The following ASIC2 variants were observed in gnomAD, a reference collection of about 807,000 sequenced individuals.
ASIC2 encodes the protein acid-sensing ion channel 2.
In ASIC2, 25 loss-of-function variants were observed where a neutral mutation model predicts 57.3. That is an observed-to-expected ratio of 0.44 (90% confidence interval 0.32 to 0.61). ASIC2 has a LOEUF of 0.61. Among genes scored for constraint, ASIC2 ranks in the 20% least tolerant of loss-of-function variants. ASIC2 has a pLI of 0.06. For synonymous variants in ASIC2, 319 were observed against 307.5 expected (o/e 1.04, Z -0.39); for missense variants, 641 against 738.1 (o/e 0.87, Z 1.52).
intron 1 of ASIC2, among the ~76,000 whole-genome samples, chr17:34,120,555 T>C (rs536235374): frequency 6.6e-6 from 1 of 151,730 alleles, no homozygotes; most frequent in South Asian, 2.1e-4. Flanking sequence ...GGATCAATTG[T>C]TATGGGTTGA....
chr17:34,063,799 T>A (rs978244654), intron 1 of ASIC2, among the ~76,000 whole-genome samples: 35 of 151,836 alleles, frequency 2.3e-4, no homozygotes, highest in Non-Finnish European at 1.0e-4. Flanking sequence ...AATAAAAGAC[T>A]TAGGAACATA....
chr17:33,346,442 TAGAA>T (rs921619400), intron 1 of ASIC2, among the ~76,000 whole-genome samples: 17 of 152,040 alleles, frequency 1.1e-4, no homozygotes, highest in African/African-American at 3.4e-4. Flanking sequence ...TTTTCTGAGA[TAGAA>T]AGAATCGGGT....
chr17:33,831,021 A>G (rs1913091004), intron 1 of ASIC2, among the ~76,000 whole-genome samples: 1 of 146,702 alleles, frequency 6.8e-6, no homozygotes. Flanking sequence ...GAGGCAGGAG[A>G]ATCACTTAGA....
At chr17:33,789,637 C>T (rs1016918987) in intron 1 of ASIC2, among the ~76,000 whole-genome samples, 1 of 151,560 alleles carries the variant, frequency 6.6e-6, no homozygotes, top group African/African-American at 2.4e-5. Context: ...TCAGTATTGT[C>T]TTTTTCCACC....
intron 1 of ASIC2, among the ~76,000 whole-genome samples, chr17:33,159,258 G>A (rs755623159): frequency 1.3e-5 from 2 of 152,160 alleles, no homozygotes; most frequent in Non-Finnish European, 2.9e-5. Context: ...GCACTTCAAC[G>A]ATGCATCATC....
chr17:33,517,178 C>T (rs1489672621), intron 1 of ASIC2, among the ~76,000 whole-genome samples: 5 of 152,140 alleles, frequency 3.3e-5, no homozygotes, highest in African/African-American at 7.2e-5. Context: ...TGCAGTGGCG[C>T]GATCTCAGCT....
intron 1 of ASIC2, among the ~76,000 whole-genome samples, chr17:33,887,939 A>G (rs1428955703): frequency 6.6e-6 from 1 of 152,134 alleles, no homozygotes; most frequent in East Asian, 1.9e-4. Flanking sequence ...TTCCTCAGGG[A>G]ACTCCTTACA....
At chr17:33,870,252 T>TTTTTTA in intron 1 of ASIC2, among the ~76,000 whole-genome samples, 1 of 132,534 alleles carries the variant, frequency 7.5e-6, no homozygotes, top group Non-Finnish European at 1.6e-5. Context: ...TTTTTTTTTT[T>TTTTTTA]GTCTAAGCAC....
At chr17:34,040,623 CATT>C (rs1395516124) in intron 1 of ASIC2, among the ~76,000 whole-genome samples, 2 of 152,130 alleles carry the variant, frequency 1.3e-5, no homozygotes, top group Non-Finnish European at 2.9e-5. Flanking sequence ...AGAGAGTCAT[CATT>C]GTTGGGCTTC....
chr17:33,634,282 C>T (rs563825020), intron 1 of ASIC2, among the ~76,000 whole-genome samples: 135 of 152,316 alleles, frequency 8.9e-4, no homozygotes, highest in African/African-American at 3.2e-3. Context: ...AGATCAACCT[C>T]CCCCCTTCAG....
At chr17:33,791,143 A>G (rs894039129) in intron 1 of ASIC2, among the ~76,000 whole-genome samples, 2 of 152,188 alleles carry the variant, frequency 1.3e-5, no homozygotes, top group Non-Finnish European at 2.9e-5. Context: ...GTCAGGAGTC[A>G]CGAACAATGA....
At chr17:33,710,785 G>T (rs531376887) in intron 1 of ASIC2, among the ~76,000 whole-genome samples, 19 of 152,202 alleles carry the variant, frequency 1.2e-4, no homozygotes, top group Non-Finnish European at 2.4e-4. Context: ...AGAGCAGTTT[G>T]GGTCCTTGTG....
intron 1 of ASIC2, among the ~76,000 whole-genome samples, chr17:33,351,217 G>A (rs928535587): frequency 6.6e-6 from 1 of 151,892 alleles, no homozygotes. Context: ...ATGGTATTTG[G>A]CCCCCCTCCT....
intron 1 of ASIC2, among the ~76,000 whole-genome samples, chr17:33,314,869 C>A (rs1370992144): frequency 1.3e-5 from 2 of 152,014 alleles, no homozygotes; most frequent in East Asian, 3.9e-4. Context: ...CTTTCTTTTT[C>A]TTCTTCTTCT....
intron 2 of ASIC2, among the ~76,000 whole-genome samples, chr17:33,103,451 G>T (rs533886442): frequency 1.3e-5 from 2 of 152,210 alleles, no homozygotes; most frequent in Non-Finnish European, 2.9e-5. Context: ...TAGCCAATGT[G>T]TCTATTTCCT....
At chr17:33,681,510 G>A (rs1258748226) in intron 1 of ASIC2, among the ~76,000 whole-genome samples, 1 of 152,090 alleles carries the variant, frequency 6.6e-6, no homozygotes, top group Non-Finnish European at 1.5e-5. Flanking sequence ...TGGCCAATGA[G>A]ACTTGAAAGA....
intron 1 of ASIC2, among the ~76,000 whole-genome samples, chr17:33,618,034 G>A (rs1015807191): frequency 1.8e-4 from 27 of 152,124 alleles, no homozygotes; most frequent in Admixed American, 1.3e-4. Flanking sequence ...ACATTAGAGA[G>A]TCTAGTAGAC....
chr17:33,307,267 C>T (rs186071544), intron 1 of ASIC2, among the ~76,000 whole-genome samples: 1 of 133,282 alleles, frequency 7.5e-6, no homozygotes, highest in East Asian at 2.4e-4. Context: ...TTCTCTTCCT[C>T]CTCCTCTTCC....
In ASIC2 at chr17:33,578,508, TAGA is replaced by T. The variant is rs552821821; in HGVS notation, c.556-466444_556-466442del. 1.4e-4 allele frequency among the ~76,000 whole-genome samples: 21 copies of T among 152,278 alleles called. No individual in the cohort carries two copies. In the South Asian group the frequency reaches 3.5e-3, roughly 26 times the overall value. ...GGGTGGGCGAGACAATTGGGACGGA[TAGA>T]AGAATAAAGGGACATAGACAAAATG... On this transcript the variant is annotated intron_variant, in intron 1 of 9. Transcript: ENST00000359872.
Sources: allele counts gnomAD v4.1 joint callset (sites outside exome capture counted in the v4.1 genomes callset), GRCh38; gene constraint gnomAD v4.1.1; transcripts MANE v1.5; gene names NCBI Gene and HGNC (gene_info 2026-07-23, HGNC 2026-07-21).